ANOS1: variants seen among roughly 807,000 people sequenced by gnomAD.
The protein encoded by ANOS1 is anosmin 1.
A neutral mutation model predicts 59.0 loss-of-function variants in ANOS1; 6 were observed. That is an observed-to-expected ratio of 0.10 (90% CI 0.06 to 0.20). The LOEUF is 0.20. ANOS1 is among the 10% of genes least tolerant of loss of function. The pLI, the probability that ANOS1 is intolerant of heterozygous loss-of-function variation, is 1.00. For missense variants in ANOS1, 433 were observed against 542.3 expected (o/e 0.80, Z 2.00); for synonymous variants, 217 against 223.4 (o/e 0.97, Z 0.25).
chrX:8,535,243 A>G (rs1929569518), intron 12 of ANOS1: 1 of 210,031 alleles, frequency 4.8e-6, no homozygotes, highest in African/African-American at 2.9e-5. Flanking sequence ...GCCCTCCCCA[A>G]TTCAACACTT....
At position 8,732,070 on chromosome X, in the gene ANOS1, G is replaced by A. The variant is rs1932987935; in HGVS notation, c.-34C>T. On this transcript the variant is annotated 5_prime_UTR_variant, in exon 1 of 14. Transcript: ENST00000262648. Reference sequence around the variant, plus strand: ...GTCGAGGGCGAGGGCGAGGGCGCCGGGCGCGGGCCGAGGCTCCCTGCTCCG... The same window carrying A: ...GTCGAGGGCGAGGGCGAGGGCGCCGAGCGCGGGCCGAGGCTCCCTGCTCCG... The A allele has an allele frequency of 1.1e-6, 1 of 901,574 alleles. No homozygotes were observed. Among genetic ancestry groups the A allele is most frequent in the South Asian group, 5.9e-5 (1 of 16,995 alleles). 74.3% of individuals were successfully genotyped at this position (901,574 alleles called of 1,213,427 possible). A position where few individuals can be genotyped will look rare whatever the true frequency, so the allele number is the denominator to read the frequency against.
At chrX:8,609,776 G>A (rs1931009958) in intron 3 of ANOS1, among the ~76,000 whole-genome samples, 2 of 110,175 alleles carry the variant, frequency 1.8e-5, no homozygotes, top group African/African-American at 6.6e-5. Context: ...GGGAGGCCAA[G>A]GCAGGCGGAT....
rs193293300 is a variant in ANOS1, at chrX:8,705,727, T to A, written c.208-5982A>T. Among the ~76,000 whole-genome samples, 354 of 112,561 alleles carry A rather than the reference T, an allele frequency of 3.1e-3. 1 individual carries two copies. The highest frequency in any genetic ancestry group is 0.014 in the Middle Eastern group (3 of 217). ...AGTCCTTCGTCAGATTACAATAGCC[T>A]TCACCAGTTAAGCCATTTGACAACA... is the stretch of plus-strand genomic sequence containing the variant. On this transcript the variant is annotated intron_variant, in intron 1 of 13. Coordinates refer to ENST00000262648, the MANE Select transcript of ANOS1 (RefSeq NM_000216.4).
In ANOS1 at chrX:8,726,340, C is replaced by T. The variant is rs867893286; in HGVS notation, c.207+5490G>A. 1.9e-4 allele frequency among the ~76,000 whole-genome samples: 21 copies of T among 111,441 alleles called. No individual in the cohort carries two copies. In the South Asian group the frequency reaches 1.9e-3, roughly 10 times the overall value. Reference sequence around the variant, plus strand: ...TAATCAGCTACCAAAGGGAGCCTATCGGTGGTACTTTATAGGGCGAATAAC... The same window carrying T: ...TAATCAGCTACCAAAGGGAGCCTATTGGTGGTACTTTATAGGGCGAATAAC... On this transcript the variant is annotated intron_variant, in intron 1 of 13. Transcript: ENST00000262648.
chrX:8,696,535 C>T (rs73199064), intron 2 of ANOS1, among the ~76,000 whole-genome samples: 2,303 of 112,160 alleles, frequency 0.021, 30 homozygotes, highest in South Asian at 0.054. Context: ...TAATGAGCCC[C>T]TAAAAAGGTG....
At chrX:8,622,127 A>G (rs1053741358) in intron 3 of ANOS1, among the ~76,000 whole-genome samples, 2 of 111,051 alleles carry the variant, frequency 1.8e-5, no homozygotes, top group Non-Finnish European at 3.8e-5. Flanking sequence ...GTTGACCAGG[A>G]ACAACACTCA....
chrX:8,695,776 T>C (rs749564502), intron 2 of ANOS1, among the ~76,000 whole-genome samples: 4 of 110,898 alleles, frequency 3.6e-5, no homozygotes, highest in Admixed American at 9.6e-5. Context: ...TCATAACTTT[T>C]AAAAAGTTAT....
chrX:8,699,184 A>G (rs73199065), intron 2 of ANOS1, among the ~76,000 whole-genome samples: 14,485 of 111,388 alleles, frequency 0.13, 1,635 homozygotes, highest in African/African-American at 0.37. Flanking sequence ...ACATATAAAT[A>G]AGTAACATAA....
intron 9 of ANOS1, among the ~76,000 whole-genome samples, chrX:8,544,883 A>G (rs773516261): frequency 1.8e-3 from 191 of 109,120 alleles, no homozygotes; most frequent in Non-Finnish European, 2.7e-3. Context: ...CCTGACCAAC[A>G]TGGAGAAACC....
chrX:8,574,391 T>G (rs1247561320), intron 6 of ANOS1, among the ~76,000 whole-genome samples: 1 of 110,354 alleles, frequency 9.1e-6, no homozygotes, highest in Non-Finnish European at 1.9e-5. Context: ...AAATATTGAG[T>G]GTCAACTTGA....
intron 2 of ANOS1, among the ~76,000 whole-genome samples, chrX:8,675,657 C>G (rs760637861): frequency 9.1e-6 from 1 of 110,032 alleles, no homozygotes; most frequent in African/African-American, 3.3e-5. Context: ...TAAGAGGGGT[C>G]TCTCTCTGGG....
intron 6 of ANOS1, among the ~76,000 whole-genome samples, chrX:8,577,774 C>G (rs1323404652): frequency 8.9e-6 from 1 of 111,937 alleles, no homozygotes; most frequent in Non-Finnish European, 1.9e-5. Flanking sequence ...AATGGAAAGA[C>G]TTTGAGCCTA....
intron 2 of ANOS1, among the ~76,000 whole-genome samples, chrX:8,685,605 AAAGAAAGAAAG>A (rs1932503770): frequency 1.6e-5 from 1 of 63,675 alleles, no homozygotes; most frequent in African/African-American, 8.1e-5. Flanking sequence ...AGGAAGAAAG[AAAGAAAGAAAG>A]AAAGAAAGAA....
intron 2 of ANOS1, among the ~76,000 whole-genome samples, chrX:8,629,132 C>T (rs918287173): frequency 1.8e-5 from 2 of 110,964 alleles, no homozygotes; most frequent in African/African-American, 3.3e-5. Context: ...ACCTGTAGTC[C>T]CAGCTATTCA....
Position 8,573,220 on chromosome X carries a change from T to C in ANOS1, c.857-2516A>G, listed in dbSNP as rs1050243606. On this transcript the variant is annotated intron_variant, in intron 6 of 13. Coordinates refer to ENST00000262648, the MANE Select transcript of ANOS1 (RefSeq NM_000216.4). ...CTGGCATTACAGGCACCTGCCATCA[T>C]GCCTGGCTAATTTTTGTATTTTTGT... Among the ~76,000 whole-genome samples, 5 of 110,226 alleles carry C rather than the reference T, an allele frequency of 4.5e-5. No homozygotes were observed. In the East Asian group the frequency reaches 1.4e-3, roughly 32 times the overall value.
chrX:8,569,978 C>T lies in ANOS1; in HGVS notation c.1062+521G>A, dbSNP rs145622846. Among the ~76,000 whole-genome samples, 15 of 111,022 alleles carry T rather than the reference C, an allele frequency of 1.4e-4. No homozygotes were observed. In the East Asian group the frequency reaches 3.1e-3, roughly 23 times the overall value. ...GAAGATTTTATTTCTTGGCATCTGA[C>T]GGATAAACCACTCCAGATCCTTTTA... On this transcript the variant is annotated intron_variant, in intron 7 of 13. Transcript: ENST00000262648.
rs757772187 is a variant in ANOS1, at chrX:8,638,968, C to G, written c.256-15298G>C. Among the ~76,000 whole-genome samples, 3 of 111,235 alleles carry G rather than the reference C, an allele frequency of 2.7e-5. No homozygotes were observed. The South Asian group carries it at 1.2e-3, about 43-fold the overall frequency. On this transcript the variant is annotated intron_variant, in intron 2 of 13. Transcript: ENST00000262648. ...AAATGATTCTTATTGAAGACATGTA[C>G]GTTTCCTTTATCAGAGAGAAAGGAC...
chrX:8,630,824 G>C (rs1931476815), intron 2 of ANOS1, among the ~76,000 whole-genome samples: 2 of 112,878 alleles, frequency 1.8e-5, no homozygotes, highest in South Asian at 3.6e-4. Context: ...AAGTAAACCA[G>C]AGCAAAAGTC....
chrX:8,582,373 G>C (rs1395967319), intron 6 of ANOS1, among the ~76,000 whole-genome samples: 1 of 112,039 alleles, frequency 8.9e-6, no homozygotes, highest in African/African-American at 3.2e-5. Flanking sequence ...TCCAGGACCA[G>C]GTAAATGCCA....
Sources: allele counts gnomAD v4.1 joint callset (sites outside exome capture counted in the v4.1 genomes callset), GRCh38; gene constraint gnomAD v4.1.1; transcripts MANE v1.5; gene names NCBI Gene and HGNC (gene_info 2026-07-23, HGNC 2026-07-21).